CTDSPL2: variants seen among roughly 807,000 people sequenced by gnomAD.
CTDSPL2 encodes the protein CTD small phosphatase-like protein 2.
A neutral mutation model predicts 60.0 loss-of-function variants in CTDSPL2; 5 were observed. That is an observed-to-expected ratio of 0.08 (90% CI 0.04 to 0.18). The LOEUF (loss-of-function observed/expected upper bound fraction) is 0.18, where lower values mean the gene tolerates loss of function less well. Among genes scored for constraint, CTDSPL2 ranks in the 10% least tolerant of loss-of-function variants. The pLI is 1.00. For synonymous variants in CTDSPL2, 186 were observed against 189.3 expected (o/e 0.98, Z 0.14); for missense variants, 370 against 548.8 (o/e 0.67, Z 3.26).
chr15:44,443,667 G>A (rs1338302669), intron 1 of CTDSPL2, among the ~76,000 whole-genome samples: 1 of 152,088 alleles, frequency 6.6e-6, no homozygotes, highest in African/African-American at 2.4e-5. Flanking sequence ...TAGATAATTA[G>A]TGATGTCAAG....
intron 1 of CTDSPL2, among the ~76,000 whole-genome samples, chr15:44,439,969 T>G (rs2080051853): frequency 6.6e-6 from 1 of 152,158 alleles, no homozygotes; most frequent in Admixed American, 6.5e-5. Flanking sequence ...TTTGGTATTG[T>G]TTCTTTTTAG....
intron 1 of CTDSPL2, 54 bp from the exon 2 acceptor site, chr15:44,458,937 G>A (rs1013314049): frequency 9.0e-6 from 11 of 1,223,388 alleles, no homozygotes; most frequent in Non-Finnish European, 1.2e-5. Flanking sequence ...GGTAGAGAAG[G>A]TTGAATTTAA....
At chr15:44,480,116 C>T (rs565625275) in intron 2 of CTDSPL2, among the ~76,000 whole-genome samples, 234 of 152,210 alleles carry the variant, frequency 1.5e-3, no homozygotes, top group African/African-American at 5.4e-3. Flanking sequence ...TCTAGAAGGG[C>T]GCCATAGTTG....
chr15:44,451,211 C>T (rs1356068742), intron 1 of CTDSPL2, among the ~76,000 whole-genome samples: 2 of 152,122 alleles, frequency 1.3e-5, no homozygotes, highest in African/African-American at 4.8e-5. Context: ...GTGATCTTCT[C>T]TCTCTCAGCC....
intron 2 of CTDSPL2, among the ~76,000 whole-genome samples, chr15:44,480,216 C>A (rs1187843152): frequency 6.6e-6 from 1 of 152,120 alleles, no homozygotes; most frequent in Non-Finnish European, 1.5e-5. Flanking sequence ...GACAGCAACT[C>A]CCCAACTCCC....
intron 1 of CTDSPL2, among the ~76,000 whole-genome samples, chr15:44,453,905 T>C (rs1179622498): frequency 6.6e-6 from 1 of 152,190 alleles, no homozygotes; most frequent in Non-Finnish European, 1.5e-5. Context: ...TGTGTCTTTA[T>C]AGCAGCATGA....
At position 44,499,872 on chromosome 15, in the gene CTDSPL2, CTTTTGTAT is replaced by C; in HGVS notation, c.969+64_969+71del. The C allele has an allele frequency of 3.1e-6, 3 of 952,912 alleles. No individual in the cohort carries two copies. The South Asian group carries it at 4.1e-5, about 13-fold the overall frequency. 59.0% of individuals were successfully genotyped at this position (952,912 alleles called of 1,614,324 possible). On this transcript the variant is annotated intron_variant, in intron 8 of 12. Transcript: ENST00000260327. ...ATAGGTAACATTCTGATAAAAAAAACTTTTGTATTTTTTTTGTGTGTATGTGACATTAA... is the reference window on the plus strand; with the variant it reads ...ATAGGTAACATTCTGATAAAAAAAACTTTTTTTGTGTGTATGTGACATTAA...
chr15:44,498,650 A>T (rs1322763776), intron 7 of CTDSPL2, among the ~76,000 whole-genome samples: 2 of 152,182 alleles, frequency 1.3e-5, no homozygotes. Context: ...TTGTAATCCC[A>T]GCACTTTGGG....
intron 1 of CTDSPL2, among the ~76,000 whole-genome samples, chr15:44,457,680 C>T (rs1239397312): frequency 6.6e-6 from 1 of 152,124 alleles, no homozygotes; most frequent in Admixed American, 6.6e-5. Flanking sequence ...AGTGTGATCT[C>T]TCCTCAATGC....
At chr15:44,453,606 T>G (rs1158358973) in intron 1 of CTDSPL2, among the ~76,000 whole-genome samples, 2 of 123,190 alleles carry the variant, frequency 1.6e-5, no homozygotes, top group African/African-American at 6.1e-5. Context: ...CCCCAGTGTG[T>G]GATATTCCCC....
chr15:44,521,172 G>T, intron 11 of CTDSPL2, 139 bp from the exon 12 acceptor site: 1 of 463,934 alleles, frequency 2.2e-6, no homozygotes, highest in Non-Finnish European at 3.6e-6. Context: ...AGTTGTCAAA[G>T]AAAAGTCTGG....
intron 1 of CTDSPL2, among the ~76,000 whole-genome samples, chr15:44,450,824 C>T (rs1181766521): frequency 6.6e-6 from 1 of 151,932 alleles, no homozygotes; most frequent in Admixed American, 6.6e-5. Flanking sequence ...TCTCGAACTC[C>T]TGACCTGAGA....
intron 4 of CTDSPL2, 23 bp downstream of exon 4, chr15:44,486,723 G>A (rs777069320): frequency 4.1e-5 from 56 of 1,350,990 alleles, no homozygotes; most frequent in Non-Finnish European, 5.5e-5. Context: ...TGTTAACTGT[G>A]ATTTGGATTT....
At position 44,522,045 on chromosome 15, in the gene CTDSPL2, CT is replaced by C. The variant is rs1313531111; in HGVS notation, c.1335+645del. 2.1e-5 allele frequency among the ~76,000 whole-genome samples: 3 copies of C among 145,480 alleles called. No individual in the cohort carries two copies. The East Asian group carries it at 6.4e-4, about 31-fold the overall frequency. On this transcript the variant is annotated intron_variant, in intron 12 of 12. Coordinates refer to ENST00000260327, the MANE Select transcript of CTDSPL2 (RefSeq NM_016396.3). ...GAAAAAGATTATGTGCATTTTCAAA[CT>C]TTTTTGAGGCAGGGTCTTGTTCTGT...
At chr15:44,474,095 A>C (rs1315569984) in intron 2 of CTDSPL2, among the ~76,000 whole-genome samples, 1 of 152,134 alleles carries the variant, frequency 6.6e-6, no homozygotes, top group African/African-American at 2.4e-5. Context: ...CCCAAAGTGC[A>C]AGGATTACAG....
chr15:44,434,071 G>GTTAT (rs574610723), intron 1 of CTDSPL2, among the ~76,000 whole-genome samples: 4,606 of 151,492 alleles, frequency 0.03, 238 homozygotes, highest in African/African-American at 0.1. Context: ...AAAAATCATT[G>GTTAT]TTATTTATTT....
chr15:44,442,248 C>A (rs934251008), intron 1 of CTDSPL2, among the ~76,000 whole-genome samples: 1 of 152,024 alleles, frequency 6.6e-6, no homozygotes, highest in African/African-American at 2.4e-5. Context: ...GTCACGAGTT[C>A]GAGACCAGCA....
chr15:44,467,698 C>G (rs2140728227), intron 2 of CTDSPL2, among the ~76,000 whole-genome samples: 1 of 152,220 alleles, frequency 6.6e-6, no homozygotes, highest in African/African-American at 2.4e-5. Context: ...CTTAGTCTCC[C>G]AAGTAACTGG....
intron 5 of CTDSPL2, among the ~76,000 whole-genome samples, chr15:44,495,463 C>G (rs1219942386): frequency 6.6e-6 from 1 of 151,436 alleles, no homozygotes; most frequent in East Asian, 2.0e-4. Context: ...TGCCTGTAGT[C>G]CCAGCTACTT....
Sources: gnomAD v4.1 joint callset for allele counts (sites outside exome capture counted in the v4.1 genomes callset) on GRCh38, gnomAD v4.1.1 for gene constraint, MANE v1.5 for transcripts, NCBI Gene and HGNC (gene_info 2026-07-23, HGNC 2026-07-21) for gene names.